Variants in GBE1 observed in about 807,000 individuals in gnomAD.
GBE1 encodes the protein 1,4-alpha-glucan branching enzyme 1, also known as 1,4-alpha-glucan-branching enzyme.
GBE1 carries 70 observed loss-of-function variants against 88.8 expected under a neutral mutation model. The ratio of observed to expected loss-of-function variants is 0.79; its 90% CI spans 0.65 to 0.96. The LOEUF (loss-of-function observed/expected upper bound fraction) is 0.96, where lower values mean the gene tolerates loss of function less well. Ranked by LOEUF, GBE1 falls within the 40% of genes least tolerant of loss-of-function variation. The pLI is 0.00. For missense variants in GBE1, 872 were observed against 871.0 expected (o/e 1.00, Z -0.01); for synonymous variants, 284 against 300.1 (o/e 0.95, Z 0.56).
chr3:81,528,351 T>C (rs965670160), intron 14 of GBE1, among the ~76,000 whole-genome samples: 7 of 151,998 alleles, frequency 4.6e-5, no homozygotes, highest in Non-Finnish European at 1.0e-4. Flanking sequence ...GTTATGCACA[T>C]GTACCCTAAA....
intron 1 of GBE1, among the ~76,000 whole-genome samples, chr3:81,722,932 A>G (rs1706055906): frequency 6.7e-6 from 1 of 149,246 alleles, no homozygotes; most frequent in Admixed American, 6.7e-5. Flanking sequence ...AAGTAAATAT[A>G]TATGTACTTA....
chr3:81,490,674 C>T (rs1702424630), intron 15 of GBE1, among the ~76,000 whole-genome samples: 2 of 151,988 alleles, frequency 1.3e-5, no homozygotes, highest in South Asian at 4.2e-4. Context: ...CTAGAGGGCG[C>T]CATACGACTT....
At chr3:81,628,654 C>G (rs980682744) in intron 7 of GBE1, among the ~76,000 whole-genome samples, 1 of 149,500 alleles carries the variant, frequency 6.7e-6, no homozygotes, top group Non-Finnish European at 1.5e-5. Flanking sequence ...CTCAATTGAA[C>G]AGTCTGTTTC....
intron 12 of GBE1, among the ~76,000 whole-genome samples, chr3:81,565,503 A>G (rs1173488973): frequency 1.3e-5 from 2 of 152,234 alleles, no homozygotes; most frequent in Non-Finnish European, 2.9e-5. Context: ...TGTAGCGATC[A>G]ACAAATGCAG....
At chr3:81,586,775 C>G (rs1438066345) in intron 9 of GBE1, among the ~76,000 whole-genome samples, 1 of 142,760 alleles carries the variant, frequency 7.0e-6, no homozygotes, top group Non-Finnish European at 1.5e-5. Context: ...GTGAAGGGAT[C>G]TCTCAAGATA....
At chr3:81,625,248 C>A (rs1213824941) in intron 7 of GBE1, among the ~76,000 whole-genome samples, 2 of 152,140 alleles carry the variant, frequency 1.3e-5, no homozygotes, top group Non-Finnish European at 2.9e-5. Context: ...CTAGACACTA[C>A]TGATAGCTTC....
intron 7 of GBE1, among the ~76,000 whole-genome samples, chr3:81,623,264 C>A (rs1260779362): frequency 2.0e-5 from 3 of 152,212 alleles, no homozygotes; most frequent in Non-Finnish European, 4.4e-5. Context: ...AACCCCACTG[C>A]CCCTGCAGGG....
intron 1 of GBE1, among the ~76,000 whole-genome samples, chr3:81,743,386 C>T (rs1706377605): frequency 6.6e-6 from 1 of 151,906 alleles, no homozygotes; most frequent in South Asian, 2.1e-4. Context: ...AAAAGCAAGT[C>T]ATGAAGAAAA....
chr3:81,606,631 T>C (rs573485781), intron 7 of GBE1, among the ~76,000 whole-genome samples: 15 of 152,342 alleles, frequency 9.8e-5, no homozygotes, highest in African/African-American at 1.7e-4. Flanking sequence ...ATTTCAGACA[T>C]AGGTATTTCT....
intron 12 of GBE1, among the ~76,000 whole-genome samples, chr3:81,573,069 C>T (rs1703596211): frequency 6.6e-6 from 1 of 151,800 alleles, no homozygotes; most frequent in South Asian, 2.1e-4. Context: ...GAACACGAAG[C>T]ATACTTAGCC....
intron 7 of GBE1, among the ~76,000 whole-genome samples, chr3:81,634,443 G>T (rs1201431184): frequency 6.6e-6 from 1 of 152,152 alleles, no homozygotes; most frequent in East Asian, 1.9e-4. Context: ...TAGTATACAT[G>T]ATTATTGCTA....
At chr3:81,608,552 T>C (rs1175697546) in intron 7 of GBE1, among the ~76,000 whole-genome samples, 1 of 152,162 alleles carries the variant, frequency 6.6e-6, no homozygotes, top group African/African-American at 2.4e-5. Flanking sequence ...TTCACTGACA[T>C]GTAGAACTGT....
chr3:81,580,045 G>A (rs1703701247), intron 11 of GBE1, among the ~76,000 whole-genome samples: 1 of 152,104 alleles, frequency 6.6e-6, no homozygotes, highest in African/African-American at 2.4e-5. Context: ...ACAATTAGAG[G>A]AGACACCTGA....
intron 12 of GBE1, among the ~76,000 whole-genome samples, chr3:81,544,535 C>G (rs148855727): frequency 1.2e-4 from 18 of 152,232 alleles, no homozygotes; most frequent in Non-Finnish European, 2.1e-4. Flanking sequence ...AGTAACAGAA[C>G]TGGGTGCTTC....
In GBE1 at chr3:81,761,579, G is replaced by A. The variant is rs767570540; in HGVS notation, c.-62C>T. ...TCGAGTGGGGCCTGAGCGGGCGCTG[G>A]AGCTCTAGCTGGGACGCGGCGGCTA... On this transcript the variant is annotated 5_prime_UTR_variant, in exon 1 of 16. Coordinates refer to ENST00000429644, the MANE Select transcript of GBE1 (RefSeq NM_000158.4). The A allele has an allele frequency of 5.2e-6, 8 of 1,538,652 alleles. No homozygotes were observed. The highest frequency in any genetic ancestry group is 2.8e-5 in the African/African-American group (2 of 72,262).
At position 81,642,937 on chromosome 3, in the gene GBE1, A is replaced by G; in HGVS notation, c.836T>C (p.Met279Thr). Residue 279 changes from methionine (M) to threonine (T), a missense_variant, in exon 7 of 16, where the codon ATG becomes ACG. Physicochemically the swap from Met to Thr is moderately conservative, Grantham distance 81. Transcript: ENST00000429644. ...LQELVDTAHS[M>T]GIIVLLDVVH... The stretch of plus-strand genomic sequence containing the variant: ...CACATCTAAGAGGACTATGATACCC[A>G]TGGAATGAGCTGTGTCTACCAGTTC... 6.2e-7 allele frequency: 1 copy of G among 1,613,068 alleles called. No homozygotes were observed.
At chr3:81,727,506 A>G (rs376330162) in intron 1 of GBE1, among the ~76,000 whole-genome samples, 85 of 152,340 alleles carry the variant, frequency 5.6e-4, no homozygotes, top group African/African-American at 1.9e-3. Context: ...GCACAAGTGC[A>G]GATTCTTACA....
intron 7 of GBE1, among the ~76,000 whole-genome samples, chr3:81,594,947 C>A (rs1703936612): frequency 6.6e-6 from 1 of 151,670 alleles, no homozygotes; most frequent in South Asian, 2.1e-4. Context: ...ATCTTTACCC[C>A]AGTCGAAATT....
intron 9 of GBE1, among the ~76,000 whole-genome samples, chr3:81,587,009 CTCGAACTCCTGACCGTTCGAGACGGGAGT>C (rs1703812354): frequency 6.6e-6 from 1 of 151,942 alleles, no homozygotes. Flanking sequence ...CCAGGCTGTT[CTCGAACTCCTGACCGTTCGAGACGGGAGT>C]CCGAACTCCC....
Sources: allele counts gnomAD v4.1 joint callset (sites outside exome capture counted in the v4.1 genomes callset), GRCh38; gene constraint gnomAD v4.1.1; transcripts MANE v1.5; gene names NCBI Gene and HGNC (gene_info 2026-07-23, HGNC 2026-07-21).